The following CDK15 variants were observed in gnomAD, a reference collection of about 807,000 sequenced individuals.
CDK15 encodes the protein cyclin-dependent kinase 15.
CDK15 carries 62 observed loss-of-function variants against 60.3 expected under a neutral mutation model. The observed-to-expected ratio is 1.03, with a 90% CI of 0.84 to 1.27. The LOEUF (loss-of-function observed/expected upper bound fraction) is 1.27. CDK15 is among the 50% of genes most tolerant of loss of function. The pLI is 0.00. For missense variants in CDK15, 541 were observed against 527.8 expected (o/e 1.03, Z -0.25); for synonymous variants, 194 against 195.7 (o/e 0.99, Z 0.07).
chr2:201,850,883 C>T (rs1697878022), intron 9 of CDK15, among the ~76,000 whole-genome samples: 2 of 152,148 alleles, frequency 1.3e-5, no homozygotes, highest in African/African-American at 2.4e-5. Flanking sequence ...TGATATTGAG[C>T]ATTTTTTCAT....
chr2:201,874,615 G>A (rs759979580), intron 11 of CDK15, among the ~76,000 whole-genome samples: 7 of 152,142 alleles, frequency 4.6e-5, no homozygotes, highest in Non-Finnish European at 1.0e-4. Flanking sequence ...AGCAGCCGAA[G>A]TGTCACTGGC....
chr2:201,820,007 G>A (rs1696151562), intron 4 of CDK15, among the ~76,000 whole-genome samples: 1 of 152,098 alleles, frequency 6.6e-6, no homozygotes, highest in African/African-American at 2.4e-5. Flanking sequence ...AGAGCATGAG[G>A]CCATCATAAT....
chr2:201,855,073 T>G, intron 10 of CDK15, 136 bp downstream of exon 10: 1 of 709,228 alleles, frequency 1.4e-6, no homozygotes, highest in Non-Finnish European at 2.4e-6. Context: ...ATTCATATAT[T>G]CCCTGACTAA....
chr2:201,889,564 C>G, intron 12 of CDK15: 1 of 335,832 alleles, frequency 3.0e-6, no homozygotes, highest in Non-Finnish European at 4.2e-6. Flanking sequence ...TTTGGAGGAA[C>G]TGGCTTGTAG....
intron 4 of CDK15, among the ~76,000 whole-genome samples, chr2:201,814,027 G>A (rs371579308): frequency 1.3e-5 from 2 of 152,192 alleles, no homozygotes; most frequent in South Asian, 2.1e-4. Flanking sequence ...ATTTGTGAAC[G>A]TAATAGAAAT....
At chr2:201,833,815 A>G (rs1696877514) in intron 6 of CDK15, 33 bp from the exon 7 acceptor site, 1 of 1,605,420 alleles carries the variant, frequency 6.2e-7, no homozygotes, top group East Asian at 2.3e-5. Flanking sequence ...TGGTGGCTCA[A>G]ATCTCCTTAT....
intron 9 of CDK15, among the ~76,000 whole-genome samples, chr2:201,848,252 A>G (rs1697756218): frequency 6.6e-6 from 1 of 152,102 alleles, no homozygotes; most frequent in South Asian, 2.1e-4. Flanking sequence ...ATGCAGCTCC[A>G]TTTCTTAATT....
chr2:201,807,619 G>C lies in CDK15; in HGVS notation c.249G>C (p.Glu83Asp). The change falls in exon 2 of 14, where the codon GAG becomes GAC. Residue 83 changes from glutamate to aspartate, a missense_variant. Physicochemically the swap from Glu to Asp is conservative, Grantham distance 45 (BLOSUM62 2). Coordinates refer to ENST00000652192, the MANE Select transcript of CDK15 (RefSeq NM_001366386.2). The part of the protein sequence containing the change: ...PRSNSDCFQE[E>D]DLRQGFQWRK... ...GTAACAGTGATTGTTTTCAGGAAGA[G>C]GATCTGAGGCAGGGTTTTCAGTGGG... 1 of 1,614,182 alleles carries C rather than the reference G, an allele frequency of 6.2e-7. No homozygotes were observed. The highest frequency in any genetic ancestry group is 1.1e-5 in the South Asian group (1 of 91,078).
intron 10 of CDK15, among the ~76,000 whole-genome samples, chr2:201,869,957 G>T (rs1251760911): frequency 6.6e-6 from 1 of 152,138 alleles, no homozygotes; most frequent in East Asian, 1.9e-4. Context: ...TTGAACTTAG[G>T]CAAAATCATA....
At chr2:201,831,400 G>C (rs930541559) in intron 6 of CDK15, among the ~76,000 whole-genome samples, 1 of 152,186 alleles carries the variant, frequency 6.6e-6, no homozygotes, top group Non-Finnish European at 1.5e-5. Flanking sequence ...TTTCTGGAAA[G>C]AGTCACCCAC....
Position 201,806,779 on chromosome 2 carries a change from G to T in CDK15, c.115G>T (p.Ala39Ser), listed in dbSNP as rs1016630656. 1.3e-6 allele frequency: 2 copies of T among 1,598,452 alleles called. No homozygotes were observed. The highest frequency in any genetic ancestry group is 1.7e-6 in the Non-Finnish European group (2 of 1,179,634). Residue 39 changes from alanine to serine, a missense_variant, in exon 1 of 14, where the codon GCG (alanine) becomes TCG (serine). Coordinates refer to ENST00000652192, the MANE Select transcript of CDK15 (RefSeq NM_001366386.2). Reference sequence around the variant, plus strand: ...GAGTCAGCCTGAGACCACGGAGGCTGCGTTCAAGGTATTTGTATCCCAGGA... The same window carrying T: ...GAGTCAGCCTGAGACCACGGAGGCTTCGTTCAAGGTATTTGTATCCCAGGA... ...RRSQPETTEA[A>S]FKLTDLKEAS...
At chr2:201,865,449 G>T (rs1230057754) in intron 10 of CDK15, among the ~76,000 whole-genome samples, 1 of 152,118 alleles carries the variant, frequency 6.6e-6, no homozygotes, top group East Asian at 1.9e-4. Context: ...TATTTTCTCA[G>T]AATCCACAGA....
chr2:201,820,484 A>C (rs547906696), intron 4 of CDK15, among the ~76,000 whole-genome samples: 3 of 152,284 alleles, frequency 2.0e-5, no homozygotes, highest in East Asian at 3.9e-4. Context: ...CCTCATATCA[A>C]CCCTATGAAG....
intron 6 of CDK15, among the ~76,000 whole-genome samples, chr2:201,824,260 C>A (rs1696363697): frequency 6.6e-6 from 1 of 152,156 alleles, no homozygotes; most frequent in Non-Finnish European, 1.5e-5. Context: ...TCATACTTTT[C>A]ATTCCCTAAG....
intron 4 of CDK15, among the ~76,000 whole-genome samples, chr2:201,816,553 T>C (rs557536422): frequency 8.8e-5 from 13 of 147,910 alleles, no homozygotes; most frequent in Admixed American, 7.7e-4. Flanking sequence ...GGCACCTAGG[T>C]TGAGTCCATG....
chr2:201,815,647 CTT>C (rs1305841207), intron 4 of CDK15, among the ~76,000 whole-genome samples: 1 of 152,104 alleles, frequency 6.6e-6, no homozygotes, highest in Admixed American at 6.5e-5. Flanking sequence ...TTTTATGAAA[CTT>C]TATAGCAATA....
chr2:201,818,191 A>C (rs1385781585), intron 4 of CDK15, among the ~76,000 whole-genome samples: 1 of 152,208 alleles, frequency 6.6e-6, no homozygotes, highest in Admixed American at 6.5e-5. Flanking sequence ...GACAAGGGCA[A>C]GTTCAATCCA....
At chr2:201,853,933 G>A (rs964665068) in intron 9 of CDK15, among the ~76,000 whole-genome samples, 5 of 152,022 alleles carry the variant, frequency 3.3e-5, no homozygotes, top group African/African-American at 1.2e-4. Context: ...AGGCCGAGGT[G>A]GGCAGATCAC....
intron 4 of CDK15, among the ~76,000 whole-genome samples, chr2:201,818,263 C>G (rs553119797): frequency 6.6e-6 from 1 of 152,132 alleles, no homozygotes; most frequent in African/African-American, 2.4e-5. Context: ...TTACATAGAG[C>G]GACATCCTAG....
Sources: allele counts gnomAD v4.1 joint callset (sites outside exome capture counted in the v4.1 genomes callset), GRCh38; gene constraint gnomAD v4.1.1; transcripts MANE v1.5; gene names NCBI Gene and HGNC (gene_info 2026-07-23, HGNC 2026-07-21).